Variants in MICU1 observed in about 807,000 individuals in gnomAD.
The protein encoded by MICU1 is mitochondrial calcium uptake 1.
MICU1 carries 45 observed loss-of-function variants against 56.8 expected under a neutral mutation model. That is an observed-to-expected ratio of 0.79 (90% CI 0.62 to 1.02). The LOEUF (loss-of-function observed/expected upper bound fraction) is 1.02. MICU1 is among the 50% of genes least tolerant of loss of function. MICU1 has a pLI of 0.00. For synonymous variants in MICU1, 186 were observed against 195.1 expected (o/e 0.95, Z 0.39); for missense variants, 504 against 587.1 (o/e 0.86, Z 1.46).
chr10:72,550,135 TA>T, intron 4 of MICU1, among the ~76,000 whole-genome samples: 1 of 152,256 alleles, frequency 6.6e-6, no homozygotes, highest in South Asian at 2.1e-4. Flanking sequence ...ATTTTTAAAA[TA>T]AATTTAGTGT....
At chr10:72,470,246 G>A (rs1053030211) in intron 8 of MICU1, among the ~76,000 whole-genome samples, 1 of 152,186 alleles carries the variant, frequency 6.6e-6, no homozygotes, top group Non-Finnish European at 1.5e-5. Flanking sequence ...CTTGCTGCTA[G>A]TCACGCTTCC....
chr10:72,394,760 C>A (rs1177081753), intron 10 of MICU1, among the ~76,000 whole-genome samples: 1 of 152,164 alleles, frequency 6.6e-6, no homozygotes, highest in Non-Finnish European at 1.5e-5. Context: ...CCTGTGAGAC[C>A]AGGAGCTCAA....
At chr10:72,516,803 T>G (rs1190663396) in intron 5 of MICU1, among the ~76,000 whole-genome samples, 1 of 152,216 alleles carries the variant, frequency 6.6e-6, no homozygotes, top group Non-Finnish European at 1.5e-5. Flanking sequence ...TATGTCGTTT[T>G]GTGATGTGCT....
At chr10:72,496,153 A>G (rs1866834184) in intron 6 of MICU1, among the ~76,000 whole-genome samples, 1 of 151,790 alleles carries the variant, frequency 6.6e-6, no homozygotes, top group Admixed American at 6.6e-5. Flanking sequence ...TTTGAGTTGG[A>G]GTTTTGCTCT....
intron 11 of MICU1, among the ~76,000 whole-genome samples, chr10:72,368,680 TTA>T (rs1451003826): frequency 5.3e-5 from 8 of 152,268 alleles, no homozygotes; most frequent in East Asian, 1.9e-4. Flanking sequence ...AGACAAATTA[TTA>T]TACCACAGTG....
chr10:72,590,054 T>A (rs1841179436), intron 1 of MICU1, among the ~76,000 whole-genome samples: 1 of 152,104 alleles, frequency 6.6e-6, no homozygotes, highest in Non-Finnish European at 1.5e-5. Flanking sequence ...TCTCTCCTTA[T>A]CAGTAATTAC....
intron 11 of MICU1, among the ~76,000 whole-genome samples, chr10:72,374,531 A>G (rs1468707027): frequency 6.6e-6 from 1 of 152,216 alleles, no homozygotes; most frequent in African/African-American, 2.4e-5. Flanking sequence ...TATGGGGGGT[A>G]GGAAGGTGAA....
intron 7 of MICU1, among the ~76,000 whole-genome samples, chr10:72,476,403 TC>T (rs1285084902): frequency 3.3e-5 from 5 of 151,836 alleles, no homozygotes; most frequent in Non-Finnish European, 7.4e-5. Context: ...TAATTTTTTT[TC>T]CCCCTGTAGA....
At chr10:72,377,818 G>T (rs189099607) in intron 10 of MICU1, among the ~76,000 whole-genome samples, 2 of 152,136 alleles carry the variant, frequency 1.3e-5, no homozygotes, top group Admixed American at 6.6e-5. Context: ...CTTGTTTATC[G>T]CATTCCTATA....
intron 5 of MICU1, among the ~76,000 whole-genome samples, chr10:72,519,456 C>G (rs1473171936): frequency 2.6e-5 from 4 of 152,166 alleles, no homozygotes; most frequent in Non-Finnish European, 5.9e-5. Context: ...TGAAAGTAAA[C>G]TTATTATATA....
intron 6 of MICU1, among the ~76,000 whole-genome samples, chr10:72,500,298 ATATATTTTTTTTTTTTTTTTT>A (rs1867019694): frequency 3.1e-4 from 2 of 6,498 alleles, no homozygotes; most frequent in African/African-American, 5.6e-4. Context: ...ATATATATAT[ATATATTTTTTTTTTTTTTTTT>A]TTTTTTTTTT....
intron 11 of MICU1, among the ~76,000 whole-genome samples, chr10:72,372,854 A>C (rs1317184265): frequency 2.7e-5 from 4 of 150,852 alleles, no homozygotes; most frequent in Admixed American, 6.6e-5. Flanking sequence ...CAGAGGGTGC[A>C]GTGAACCAAG....
At chr10:72,483,026 T>G (rs1310365116) in intron 6 of MICU1, among the ~76,000 whole-genome samples, 1 of 151,924 alleles carries the variant, frequency 6.6e-6, no homozygotes, top group Admixed American at 6.6e-5. Flanking sequence ...TGGCTAATTT[T>G]TGTATTTTTA....
At chr10:72,391,783 T>TA (rs1323444533) in intron 10 of MICU1, among the ~76,000 whole-genome samples, 1 of 152,188 alleles carries the variant, frequency 6.6e-6, no homozygotes, top group Non-Finnish European at 1.5e-5. Flanking sequence ...AGTGAATACA[T>TA]AAAAAATATA....
At chr10:72,513,877 C>T (rs1266381767) in intron 5 of MICU1, among the ~76,000 whole-genome samples, 1 of 152,052 alleles carries the variant, frequency 6.6e-6, no homozygotes, top group East Asian at 1.9e-4. Context: ...TTTCTGAACT[C>T]TCAATTTTCT....
At chr10:72,492,058 A>C (rs1355228335) in intron 6 of MICU1, among the ~76,000 whole-genome samples, 3 of 152,206 alleles carry the variant, frequency 2.0e-5, no homozygotes, top group African/African-American at 7.2e-5. Flanking sequence ...TGCTTAAGTG[A>C]AAAAAGAAAA....
chr10:72,395,962 C>G (rs1410840795), intron 10 of MICU1, among the ~76,000 whole-genome samples: 1 of 152,248 alleles, frequency 6.6e-6, no homozygotes, highest in Admixed American at 6.5e-5. Flanking sequence ...TGAGAACAGA[C>G]AGACTGCCTC....
At chr10:72,382,309 G>A (rs759964774) in intron 10 of MICU1, among the ~76,000 whole-genome samples, 5 of 149,548 alleles carry the variant, frequency 3.3e-5, no homozygotes, top group African/African-American at 1.2e-4. Flanking sequence ...ACAGGGTTTC[G>A]CCATGTTGGC....
intron 5 of MICU1, among the ~76,000 whole-genome samples, chr10:72,517,542 T>A (rs1867684700): frequency 6.6e-6 from 1 of 152,182 alleles, no homozygotes; most frequent in African/African-American, 2.4e-5. Flanking sequence ...AAACATTGTA[T>A]GTTCTCATTC....
Sources: allele counts gnomAD v4.1 joint callset (sites outside exome capture counted in the v4.1 genomes callset), GRCh38; gene constraint gnomAD v4.1.1; transcripts MANE v1.5; gene names NCBI Gene and HGNC (gene_info 2026-07-23, HGNC 2026-07-21).